DPY19L4: variants seen among roughly 807,000 people sequenced by gnomAD.
DPY19L4 encodes dpy-19 like 4, also known as probable C-mannosyltransferase DPY19L4.
DPY19L4 carries 97 observed loss-of-function variants against 102.8 expected under a neutral mutation model. The ratio of observed to expected loss-of-function variants is 0.94; its 90% CI spans 0.80 to 1.12. The LOEUF is 1.12. DPY19L4 is among the 50% of genes most tolerant of loss of function. DPY19L4 has a pLI of 0.00. For synonymous variants in DPY19L4, 252 were observed against 283.1 expected (o/e 0.89, Z 1.10); for missense variants, 815 against 850.4 (o/e 0.96, Z 0.52).
rs750677790 is a variant in DPY19L4 at position 94,768,541 on chromosome 8, T to C, written c.1322T>C (p.Phe441Ser). The change falls in exon 12 of 19, where the codon TTT becomes TCT. Residue 441 changes from phenylalanine to serine, a missense_variant. Coordinates refer to ENST00000414645, the MANE Select transcript of DPY19L4 (RefSeq NM_181787.3). ...ICFLSMLQVI[F>S]RRINGKSLKE... Reference sequence around the variant, plus strand: ...TTTCTTTCTATGTTGCAAGTTATTTTTAGGAGGATTAAGTAAGTACCTATG... The same window carrying C: ...TTTCTTTCTATGTTGCAAGTTATTTCTAGGAGGATTAAGTAAGTACCTATG... 2.7e-6 allele frequency: 4 copies of C among 1,502,328 alleles called. No homozygotes were observed. In the African/African-American group the frequency reaches 5.6e-5, roughly 21 times the overall value. The allele number at this position is 1,502,328 out of a possible 1,614,324, so 93.1% of individuals were successfully genotyped here.
intron 2 of DPY19L4, among the ~76,000 whole-genome samples, chr8:94,733,858 A>T (rs1320527336): frequency 6.6e-6 from 1 of 152,044 alleles, no homozygotes; most frequent in East Asian, 1.9e-4. Flanking sequence ...TTAATTTTTA[A>T]AACAATTTTA....
intron 6 of DPY19L4, among the ~76,000 whole-genome samples, chr8:94,752,494 G>A (rs867080585): frequency 6.7e-6 from 1 of 148,798 alleles, no homozygotes; most frequent in Admixed American, 6.7e-5. Flanking sequence ...GCTGAGGCAG[G>A]AGAATGGTGT....
At chr8:94,761,330 C>T (rs1812385971) in intron 7 of DPY19L4, among the ~76,000 whole-genome samples, 1 of 152,160 alleles carries the variant, frequency 6.6e-6, no homozygotes, top group Admixed American at 6.5e-5. Flanking sequence ...GAGTTGCCTC[C>T]CCAATAACAA....
chr8:94,737,846 A>G (rs1159202528), intron 3 of DPY19L4, among the ~76,000 whole-genome samples: 2 of 151,750 alleles, frequency 1.3e-5, no homozygotes, highest in African/African-American at 4.8e-5. Flanking sequence ...ACATTGTGAG[A>G]CCCCCTTCTT....
Position 94,762,342 on chromosome 8 carries a change from C to T in DPY19L4, c.870+508C>T, listed in dbSNP as rs373987030. ...CCGGTGCTTCCATAGGAAGTAATTGCTCTGTTGGGGTGAAGAAGCATCCTT... is the reference window on the plus strand; with the variant it reads ...CCGGTGCTTCCATAGGAAGTAATTGTTCTGTTGGGGTGAAGAAGCATCCTT... On this transcript the variant is annotated intron_variant, in intron 8 of 18. Coordinates refer to ENST00000414645, the MANE Select transcript of DPY19L4 (RefSeq NM_181787.3). Among the ~76,000 whole-genome samples the T allele has an allele frequency of 3.3e-4, 50 of 152,264 alleles. No individual in the cohort carries two copies. The East Asian group carries it at 8.5e-3, about 26-fold the overall frequency.
In DPY19L4 at chr8:94,750,843, C is replaced by T. The variant is rs192263132; in HGVS notation, c.612-5193C>T. ...TGTCACCCAGGCTGGAGTGCAGTGGCGCAATCTCGGCTCACTGCAACCTCC... is the reference window on the plus strand; with the variant it reads ...TGTCACCCAGGCTGGAGTGCAGTGGTGCAATCTCGGCTCACTGCAACCTCC... On this transcript the variant is annotated intron_variant, in intron 6 of 18. Coordinates refer to ENST00000414645, the MANE Select transcript of DPY19L4 (RefSeq NM_181787.3). Among the ~76,000 whole-genome samples the T allele has an allele frequency of 7.5e-3, 1,125 of 150,270 alleles. 15 individuals are homozygous for T. Among genetic ancestry groups the T allele is most frequent in the African/African-American group, 0.026 (1,059 of 40,800 alleles).
intron 6 of DPY19L4, among the ~76,000 whole-genome samples, chr8:94,749,421 C>G (rs1341896390): frequency 6.6e-6 from 1 of 152,132 alleles, no homozygotes; most frequent in Non-Finnish European, 1.5e-5. Context: ...GGCAGCAGTC[C>G]AGCCACGAGA....
At position 94,726,441 on chromosome 8, in the gene DPY19L4, CG is replaced by C. The variant is rs762747708; in HGVS notation, c.127+1del. ...TCCAATTCCTGAAAGAGCTCCAAAACGTAAGTTAGATAGACTTGGAATTTGT... is the reference window on the plus strand; with the variant it reads ...TCCAATTCCTGAAAGAGCTCCAAAACTAAGTTAGATAGACTTGGAATTTGT... On this transcript the variant is annotated splice_donor_variant, in intron 2 of 18. Coordinates refer to ENST00000414645, the MANE Select transcript of DPY19L4 (RefSeq NM_181787.3). LOFTEE classifies it high-confidence loss of function. The C allele has an allele frequency of 2.4e-5, 39 of 1,602,006 alleles. No individual in the cohort carries two copies. Among genetic ancestry groups the C allele is most frequent in the Non-Finnish European group, 3.1e-5 (37 of 1,176,182 alleles).
At chr8:94,729,399 T>A (rs1457486114) in intron 2 of DPY19L4, among the ~76,000 whole-genome samples, 1 of 143,824 alleles carries the variant, frequency 7.0e-6, no homozygotes, top group African/African-American at 2.6e-5. Flanking sequence ...AAATTTAAAC[T>A]TAGGCAATAT....
chr8:94,758,467 A>G (rs1161165109), intron 7 of DPY19L4, among the ~76,000 whole-genome samples: 2 of 152,184 alleles, frequency 1.3e-5, no homozygotes, highest in Non-Finnish European at 2.9e-5. Flanking sequence ...TAATCAAGAC[A>G]TAGAACTCTT....
At chr8:94,721,024 G>T (rs1291273658) in intron 1 of DPY19L4, among the ~76,000 whole-genome samples, 3 of 151,326 alleles carry the variant, frequency 2.0e-5, no homozygotes, top group African/African-American at 4.9e-5. Context: ...TCGGTTCACC[G>T]CAACCTCCGC....
chr8:94,742,626 T>G (rs1434932530), intron 6 of DPY19L4, among the ~76,000 whole-genome samples: 1 of 151,226 alleles, frequency 6.6e-6, no homozygotes, highest in Non-Finnish European at 1.5e-5. Flanking sequence ...TGGCGCGATC[T>G]TGGCTCACTG....
At chr8:94,748,023 G>A (rs180994341) in intron 6 of DPY19L4, among the ~76,000 whole-genome samples, 39 of 152,268 alleles carry the variant, frequency 2.6e-4, no homozygotes, top group Admixed American at 2.5e-3. Flanking sequence ...CTCTGCTACT[G>A]CAGGAAAAAA....
chr8:94,762,300 A>G (rs575094005), intron 8 of DPY19L4, among the ~76,000 whole-genome samples: 1 of 132,132 alleles, frequency 7.6e-6, no homozygotes, highest in South Asian at 2.4e-4. Flanking sequence ...GAAGTGTTGG[A>G]AAAACTGCAG....
At chr8:94,777,642 T>C (rs777855908) in intron 13 of DPY19L4, 24 bp from the exon 14 acceptor site, 10 of 1,607,760 alleles carry the variant, frequency 6.2e-6, no homozygotes, top group Admixed American at 3.4e-5. Context: ...ATGTCTCATG[T>C]ATGACTCCAT....
At chr8:94,760,894 G>T (rs1812367650) in intron 7 of DPY19L4, among the ~76,000 whole-genome samples, 1 of 152,166 alleles carries the variant, frequency 6.6e-6, no homozygotes, top group Non-Finnish European at 1.5e-5. Context: ...CAAGGGCAAG[G>T]ACATCCCTTG....
At chr8:94,764,592 A>G (rs1812551314) in intron 8 of DPY19L4, among the ~76,000 whole-genome samples, 1 of 146,024 alleles carries the variant, frequency 6.8e-6, no homozygotes, top group African/African-American at 2.5e-5. Flanking sequence ...AAAAAAAAAA[A>G]GAAAACAGTG....
chr8:94,761,973 G>C (rs1230681639), intron 8 of DPY19L4, 139 bp downstream of exon 8: 1 of 891,204 alleles, frequency 1.1e-6, no homozygotes, highest in Non-Finnish European at 1.5e-6. Flanking sequence ...TTTGGACAGA[G>C]AGAAGTTAAT....
chr8:94,768,282 A>C (rs1586393254), intron 11 of DPY19L4, 113 bp from the exon 12 acceptor site: 2 of 780,924 alleles, frequency 2.6e-6, no homozygotes, highest in Non-Finnish European at 4.0e-6. Flanking sequence ...AATATAAGTA[A>C]ACGGGTTTAG....
Sources: allele counts gnomAD v4.1 joint callset (sites outside exome capture counted in the v4.1 genomes callset), GRCh38; gene constraint gnomAD v4.1.1; transcripts MANE v1.5; gene names NCBI Gene and HGNC (gene_info 2026-07-23, HGNC 2026-07-21).